ATP11C: variants seen among roughly 807,000 people sequenced by gnomAD.
ATP11C encodes the protein ATPase phospholipid transporting 11C (ATP11C blood group), also known as phospholipid-transporting ATPase IG.
Under a neutral mutation model 97.4 loss-of-function variants are expected in ATP11C, and 36 were observed. That is an observed-to-expected ratio of 0.37 (90% CI 0.28 to 0.49). The LOEUF (loss-of-function observed/expected upper bound fraction) is 0.49. ATP11C is among the 20% of genes least tolerant of loss of function. The pLI is 0.98. For missense variants in ATP11C, 730 were observed against 824.6 expected (o/e 0.89, Z 1.40); for synonymous variants, 275 against 290.9 (o/e 0.95, Z 0.56).
intron 23 of ATP11C, among the ~76,000 whole-genome samples, chrX:139,753,581 G>A (rs1304360837): frequency 9.0e-6 from 1 of 111,621 alleles, no homozygotes. Flanking sequence ...GGCCAACACA[G>A]GCAGATCATC....
At chrX:139,892,678 G>A (rs1051270221) in intron 1 of ATP11C, among the ~76,000 whole-genome samples, 7 of 112,048 alleles carry the variant, frequency 6.2e-5, no homozygotes, top group African/African-American at 2.3e-4. Context: ...TAATCACAAC[G>A]AGCCAGACAA....
chrX:139,819,790 C>T (rs1342130914), intron 2 of ATP11C, among the ~76,000 whole-genome samples: 1 of 112,118 alleles, frequency 8.9e-6, no homozygotes, highest in East Asian at 2.8e-4. Context: ...ATTAAAGTTT[C>T]TCCCTTGATA....
At chrX:139,886,779 T>A (rs1163771393) in intron 1 of ATP11C, among the ~76,000 whole-genome samples, 3 of 110,969 alleles carry the variant, frequency 2.7e-5, no homozygotes, top group African/African-American at 9.8e-5. Flanking sequence ...AGTATTGCAA[T>A]TCTCCTCCAA....
At chrX:139,780,079 A>C (rs773813084) in intron 18 of ATP11C, among the ~76,000 whole-genome samples, 1 of 111,668 alleles carries the variant, frequency 9.0e-6, no homozygotes, top group Non-Finnish European at 1.9e-5. Flanking sequence ...AAAAAAACCC[A>C]GGACCAGAGA....
chrX:139,833,876 C>T (rs948318735), intron 1 of ATP11C, among the ~76,000 whole-genome samples: 4 of 110,562 alleles, frequency 3.6e-5, no homozygotes, highest in Admixed American at 9.6e-5. Flanking sequence ...GGTCACATAA[C>T]GTAAGAGACT....
At chrX:139,833,197 GC>G (rs2083686663) in intron 1 of ATP11C, among the ~76,000 whole-genome samples, 1 of 112,111 alleles carries the variant, frequency 8.9e-6, no homozygotes, top group African/African-American at 3.2e-5. Flanking sequence ...ACCAATGAAT[GC>G]ATTTTTCCAA....
chrX:139,920,149 C>T (rs867438937), intron 1 of ATP11C, among the ~76,000 whole-genome samples: 2 of 110,073 alleles, frequency 1.8e-5, no homozygotes, highest in African/African-American at 6.6e-5. Context: ...GACCTGAGGT[C>T]AGTTCAAGAC....
intron 1 of ATP11C, among the ~76,000 whole-genome samples, chrX:139,917,463 G>T (rs2085171722): frequency 9.0e-6 from 1 of 111,647 alleles, no homozygotes; most frequent in Non-Finnish European, 1.9e-5. Flanking sequence ...TCCAGAATAT[G>T]TAAATAACTC....
chrX:139,745,525 G>A (rs1415523493), intron 25 of ATP11C, among the ~76,000 whole-genome samples, 197 bp downstream of exon 25: 1 of 112,175 alleles, frequency 8.9e-6, no homozygotes, highest in African/African-American at 3.2e-5. Flanking sequence ...AAGCTCTCTA[G>A]TTAGCCATGC....
At chrX:139,762,378 G>GA (rs2082055232) in intron 21 of ATP11C, among the ~76,000 whole-genome samples, 1 of 111,521 alleles carries the variant, frequency 9.0e-6, no homozygotes, top group Non-Finnish European at 1.9e-5. Flanking sequence ...ATTATCTGAA[G>GA]AAAAAAACTC....
rs753102844 is a variant in ATP11C at position 139,854,760 on chromosome X, G to A, written c.28-27937C>T. ...ACTTTCAGTAAAAGGATTATAAGGA[G>A]GCATAAGAATGTGGATTTTTACCTA... is the stretch of plus-strand genomic sequence containing the variant. On this transcript the variant is annotated intron_variant, in intron 1 of 29. Coordinates refer to ENST00000682941, the MANE Select transcript of ATP11C (RefSeq NM_001353812.2). 2.7e-5 allele frequency among the ~76,000 whole-genome samples: 3 copies of A among 112,114 alleles called. No individual in the cohort carries two copies. The South Asian group carries it at 1.1e-3, about 41-fold the overall frequency.
intron 15 of ATP11C, among the ~76,000 whole-genome samples, chrX:139,785,635 T>C (rs2082555857): frequency 9.0e-6 from 1 of 111,659 alleles, no homozygotes; most frequent in Admixed American, 9.5e-5. Context: ...TTTAGCAGCA[T>C]TTATGTATGG....
intron 5 of ATP11C, among the ~76,000 whole-genome samples, chrX:139,805,755 T>C (rs998094637): frequency 8.9e-6 from 1 of 112,144 alleles, no homozygotes; most frequent in Admixed American, 9.5e-5. Context: ...AGGTAATACA[T>C]GCAACACCCA....
intron 1 of ATP11C, among the ~76,000 whole-genome samples, chrX:139,909,354 A>G (rs1262069899): frequency 9.0e-6 from 1 of 110,652 alleles, no homozygotes; most frequent in Admixed American, 9.7e-5. Context: ...GCTGGTCTCA[A>G]ACTCCTGACC....
chrX:139,860,104 CAAAAAAAA>C (rs1245214221), intron 1 of ATP11C, among the ~76,000 whole-genome samples: 1 of 20,419 alleles, frequency 4.9e-5, no homozygotes, highest in Non-Finnish European at 7.3e-5. Flanking sequence ...GACTCCGTCT[CAAAAAAAA>C]AAAAAAAAAA....
Position 139,727,519 on chromosome X carries a change from A to C in ATP11C, c.*1447T>G, listed in dbSNP as rs932837444. The C allele has an allele frequency of 9.0e-6, 1 of 111,727 alleles. No homozygotes were observed. The allele number at this position is 111,727 out of a possible 1,213,427, so 9.2% of individuals were successfully genotyped here. On this transcript the variant is annotated 3_prime_UTR_variant, in exon 30 of 30. Coordinates refer to ENST00000682941, the MANE Select transcript of ATP11C (RefSeq NM_001353812.2). Reference sequence around the variant, plus strand: ...CTTTTCTAGAATTTAGAAAAAAATCATACCTAAACATTAACACAAAATATA... The same window carrying C: ...CTTTTCTAGAATTTAGAAAAAAATCCTACCTAAACATTAACACAAAATATA...
chrX:139,919,415 C>T (rs942291775), intron 1 of ATP11C, among the ~76,000 whole-genome samples: 3 of 102,518 alleles, frequency 2.9e-5, no homozygotes, highest in Non-Finnish European at 5.9e-5. Flanking sequence ...TTGCAGTGAG[C>T]AGAGATCGCA....
intron 3 of ATP11C, among the ~76,000 whole-genome samples, chrX:139,817,325 A>T (rs752428728): frequency 8.9e-6 from 1 of 112,691 alleles, no homozygotes; most frequent in East Asian, 2.8e-4. Flanking sequence ...AAAATCAGAC[A>T]GTAAAACAAG....
intron 1 of ATP11C, among the ~76,000 whole-genome samples, chrX:139,854,718 TAAGCA>T (rs2084062134): frequency 8.9e-6 from 1 of 112,587 alleles, no homozygotes; most frequent in Admixed American, 9.4e-5. Context: ...GCAAGGTGTA[TAAGCA>T]AAGTAAAATA....
Sources: gnomAD v4.1 joint callset for allele counts (sites outside exome capture counted in the v4.1 genomes callset) on GRCh38, gnomAD v4.1.1 for gene constraint, MANE v1.5 for transcripts, NCBI Gene and HGNC (gene_info 2026-07-23, HGNC 2026-07-21) for gene names.